The following SLC12A4 variants were observed in gnomAD, a reference collection of about 807,000 sequenced individuals.
SLC12A4 encodes electroneutral potassium-chloride cotransporter 1.
In SLC12A4, 84 loss-of-function variants were observed where a neutral mutation model predicts 119.2. The observed-to-expected ratio is 0.70, with a 90% CI of 0.59 to 0.85. The LOEUF (loss-of-function observed/expected upper bound fraction) is 0.85, where lower values mean the gene tolerates loss of function less well. SLC12A4 is among the 40% of genes least tolerant of loss of function. The pLI is 0.00. For missense variants in SLC12A4, 1,298 were observed against 1,476.3 expected, an observed-to-expected ratio of 0.88 and a Z score of 1.98; for synonymous variants, 599 against 604.6, an observed-to-expected ratio of 0.99 and a Z score of 0.14.
chr16:67,946,049 CTG>C lies in SLC12A4; in HGVS notation c.2639_2640del (p.Thr880SerfsTer6). On this transcript the variant is annotated frameshift_variant, in exon 20 of 24. Transcript: ENST00000316341. LOFTEE classifies it high-confidence loss of function. ...VWRKCRMRIF[T>X]VAQMDDNSIQ... Reference sequence around the variant, plus strand: ...ATGCTGTTGTCATCCATCTGGGCCACTGTGAAGATGCGCATCCGGCACTTCCT... The same window carrying C: ...ATGCTGTTGTCATCCATCTGGGCCACTGAAGATGCGCATCCGGCACTTCCT... 1 of 1,614,028 alleles carries C rather than the reference CTG, an allele frequency of 6.2e-7. No homozygotes were observed.
chr16:67,952,155 A>G (rs1160854488), intron 7 of SLC12A4, 29 bp downstream of exon 7: 8 of 1,612,882 alleles, frequency 5.0e-6, no homozygotes, highest in Non-Finnish European at 6.8e-6. Context: ...TGTCCATGCA[A>G]TGCCCAGATA....
chr16:67,963,415 C>T, intron 2 of SLC12A4, 50 bp downstream of exon 2: 1 of 1,321,932 alleles, frequency 7.6e-7, no homozygotes, highest in South Asian at 1.3e-5. Context: ...GCCTGCTTAG[C>T]TAAAGCCTCT....
Position 67,952,043 on chromosome 16 carries a change from A to C in SLC12A4, c.918-6T>G, listed in dbSNP as rs1219206354. 6 of 1,612,876 alleles carry C rather than the reference A, an allele frequency of 3.7e-6. No homozygotes were observed. Among genetic ancestry groups the C allele is most frequent in the Non-Finnish European group, 5.1e-6 (6 of 1,179,162 alleles). ...TGTTGCCCAGCATGCATACCCTGTG[A>C]GGGACAGAAGCACCGGCACCTGCTC... On this transcript the variant is annotated splice_polypyrimidine_tract_variant and splice_region_variant and intron_variant, in intron 7 of 23. Transcript: ENST00000316341.
Position 67,958,033 on chromosome 16 carries a change from CATGCTGGGTGCCT to C in SLC12A4, c.343-2_353del, listed in dbSNP as rs780560112. The C allele has an allele frequency of 1.2e-6, 2 of 1,613,826 alleles. No individual in the cohort carries two copies. Among genetic ancestry groups the C allele is most frequent in the African/African-American group, 1.3e-5 (1 of 74,924 alleles). On this transcript the variant is annotated splice_acceptor_variant and coding_sequence_variant, in exon 4 of 24. Coordinates refer to ENST00000316341, the MANE Select transcript of SLC12A4 (RefSeq NM_005072.5). LOFTEE classifies it high-confidence loss of function. ...GCAGGTACACCCCCATGAGGGTGCC[CATGCTGGGTGCCT>C]ATGCGAACACAAAGGGAGGGGGCGA...
rs763053588 is a variant in SLC12A4 at position 67,946,352 on chromosome 16, G to A, written c.2438-12C>T. The A allele has an allele frequency of 1.4e-5, 23 of 1,606,192 alleles. No homozygotes were observed. The South Asian group carries it at 2.3e-4, about 16-fold the overall frequency. ...GCAGCGCACGGTGTCTGGGGAGGAG[G>A]AGCACGGCTGACCACCAGTCTGTGG... On this transcript the variant is annotated splice_polypyrimidine_tract_variant and intron_variant, in intron 18 of 23. Transcript: ENST00000316341.
rs200084885 is a variant in SLC12A4, at chr16:67,948,129, G to T, written c.1779C>A (p.Asn593Lys). Residue 593 changes from asparagine (N) to lysine (K), a missense_variant, in exon 14 of 24, where the codon AAC becomes AAA. Asn to Lys is a moderately conservative substitution (Grantham distance 94). Coordinates refer to ENST00000316341, the MANE Select transcript of SLC12A4 (RefSeq NM_005072.5). ...GGAGTGTCTGCACCGCACAGGCGAGGTTCACGAACAGGTAGCACATCAGAA... is the reference window on the plus strand; with the variant it reads ...GGAGTGTCTGCACCGCACAGGCGAGTTTCACGAACAGGTAGCACATCAGAA... ...MFFLMCYLFV[N>K]LACAVQTLLR... 4.3e-6 allele frequency: 7 copies of T among 1,613,290 alleles called. No individual in the cohort carries two copies. The highest frequency in any genetic ancestry group is 5.9e-6 in the Non-Finnish European group (7 of 1,180,002).
chr16:67,961,438 GTGCCCATCCTCCCTGCTCACTA>G, intron 3 of SLC12A4, 115 bp downstream of exon 3: 7 of 1,310,232 alleles, frequency 5.3e-6, no homozygotes, highest in Non-Finnish European at 7.3e-6. Context: ...AAGGCATTCA[GTGCCCATCCTCCCTGCTCACTA>G]TGCTTGGCAC....
intron 1 of SLC12A4, among the ~76,000 whole-genome samples, chr16:67,964,956 T>TG (rs1465295215): frequency 2.0e-5 from 3 of 152,218 alleles, no homozygotes; most frequent in African/African-American, 7.2e-5. Flanking sequence ...TGACAGTTTC[T>TG]GGGGCAAAGT....
chr16:67,964,196 G>C, intron 1 of SLC12A4: 4 of 1,121,812 alleles, frequency 3.6e-6, no homozygotes, highest in Non-Finnish European at 4.9e-6. Flanking sequence ...GTGGGTGTCG[G>C]ACTGAGCAGG....
intron 5 of SLC12A4, chr16:67,957,401 CCTT>C: frequency 4.0e-6 from 1 of 249,664 alleles, no homozygotes; most frequent in South Asian, 4.6e-5. Context: ...GATCTCCTGC[CCTT>C]GTGATCCACC....
chr16:67,946,766 G>A (rs1293289193), intron 17 of SLC12A4, 133 bp from the exon 18 acceptor site: 13 of 1,270,354 alleles, frequency 1.0e-5, no homozygotes, highest in Non-Finnish European at 1.4e-5. Context: ...CCTACCCAGA[G>A]GCCAAGTTTT....
chr16:67,955,743 G>A (rs1157568582), intron 5 of SLC12A4, among the ~76,000 whole-genome samples: 2 of 152,028 alleles, frequency 1.3e-5, no homozygotes, highest in Non-Finnish European at 2.9e-5. Flanking sequence ...GCTAGGCGTG[G>A]CGGTGTGCAC....
At chr16:67,948,962 C>T (rs1185798346) in intron 13 of SLC12A4, among the ~76,000 whole-genome samples, 1 of 152,210 alleles carries the variant, frequency 6.6e-6, no homozygotes, top group East Asian at 1.9e-4. Context: ...GAAGAGGAGG[C>T]CTTTCATAAC....
intron 1 of SLC12A4, among the ~76,000 whole-genome samples, chr16:67,964,761 T>C (rs1031884347): frequency 1.3e-5 from 2 of 152,198 alleles, no homozygotes; most frequent in African/African-American, 4.8e-5. Context: ...TCTGTTTACA[T>C]AGGCCACAAT....
Position 67,950,824 on chromosome 16 carries a change from G to T in SLC12A4, c.1397-113C>A. On this transcript the variant is annotated intron_variant, in intron 10 of 23. Coordinates refer to ENST00000316341, the MANE Select transcript of SLC12A4 (RefSeq NM_005072.5). This position sits in a 1 kb window ranked among gnomAD's most constrained non-coding sequence, Gnocchi z 4.3. ...GACACCTACAGCTGGGAGTCTCGTG[G>T]TGTGTATGTGCATGTGTGCATGAGA... is the stretch of plus-strand genomic sequence containing the variant. The T allele has an allele frequency of 1.4e-6, 2 of 1,451,768 alleles. No homozygotes were observed. Among genetic ancestry groups the T allele is most frequent in the Non-Finnish European group, 1.9e-6 (2 of 1,052,024 alleles). The allele number at this position is 1,451,768 out of a possible 1,614,324, so 89.9% of individuals were successfully genotyped here. A position where few individuals can be genotyped will look rare whatever the true frequency, so the allele number is the denominator to read the frequency against.
Position 67,945,082 on chromosome 16 carries a change from GAT to G in SLC12A4, c.3166+3_3166+4del. On this transcript the variant is annotated splice_donor_region_variant and intron_variant, in intron 23 of 23. Coordinates refer to ENST00000316341, the MANE Select transcript of SLC12A4 (RefSeq NM_005072.5). ...CCAACTGCCTGCCTCTCCACAAAGGGATACAGTTCTCGTCGCCCTCACTGTTC... is the reference window on the plus strand; with the variant it reads ...CCAACTGCCTGCCTCTCCACAAAGGGACAGTTCTCGTCGCCCTCACTGTTC... 1 of 1,578,362 alleles carries G rather than the reference GAT, an allele frequency of 6.3e-7. No homozygotes were observed. The highest frequency in any genetic ancestry group is 8.6e-7 in the Non-Finnish European group (1 of 1,159,822).
In SLC12A4 at chr16:67,947,422, A is replaced by G. The variant is rs2058364231; in HGVS notation, c.1981T>C (p.Trp661Arg). The G allele has an allele frequency of 1.2e-6, 2 of 1,610,986 alleles. No individual in the cohort carries two copies. The highest frequency in any genetic ancestry group is 1.7e-6 in the Non-Finnish European group (2 of 1,179,302). Reference protein sequence around the residue: ...YIEYQGAEKEWGDGIRGLSLS... With the variant: ...YIEYQGAEKERGDGIRGLSLS... ...GACAGGCCTCGGATCCCGTCACCCCACTCCTTCTCAGCCCTGCAGATTCCA... is the reference window on the plus strand; with the variant it reads ...GACAGGCCTCGGATCCCGTCACCCCGCTCCTTCTCAGCCCTGCAGATTCCA... Residue 661 changes from tryptophan (W) to arginine (R), a missense_variant, in exon 16 of 24, where the codon TGG becomes CGG. By Grantham distance (101) the Trp-to-Arg change is moderately radical. Coordinates refer to ENST00000316341, the MANE Select transcript of SLC12A4 (RefSeq NM_005072.5).
At chr16:67,959,844 G>A (rs2030469170) in intron 3 of SLC12A4, among the ~76,000 whole-genome samples, 1 of 152,184 alleles carries the variant, frequency 6.6e-6, no homozygotes, top group South Asian at 2.1e-4. Context: ...GGCTGCTTTG[G>A]GTCTTGGCAT....
intron 14 of SLC12A4, 129 bp from the exon 15 acceptor site, chr16:67,947,917 G>T (rs1022563064): frequency 2.7e-6 from 4 of 1,467,726 alleles, no homozygotes; most frequent in Admixed American, 1.8e-5. Context: ...GTCACTGGGT[G>T]TAAGACCTAG....
Sources: gnomAD v4.1 joint callset for allele counts (sites outside exome capture counted in the v4.1 genomes callset) on GRCh38, gnomAD v4.1.1 for gene constraint, Gnocchi (gnomAD v3.1) non-coding constraint, MANE v1.5 for transcripts, NCBI Gene and HGNC (gene_info 2026-07-23, HGNC 2026-07-21) for gene names.